OR1J2: variants seen among roughly 807,000 people sequenced by gnomAD.
The protein encoded by OR1J2 is olfactory receptor family 1 subfamily J member 2.
For synonymous variants in OR1J2, 142 were observed against 99.7 expected, an observed-to-expected ratio of 1.42 and a Z score of -2.52; for missense variants, 304 against 246.1, an observed-to-expected ratio of 1.24 and a Z score of -1.57.
At chr9:122,502,054 G>C in the OR1J2 span, among the ~76,000 whole-genome samples, 2,168 of 152,282 alleles carry the variant, frequency 0.014, 38 homozygotes, top group African/African-American at 0.049. Context: ...TGGATAGACA[G>C]AACAAATTCT....
At chr9:122,553,976 T>C in the OR1J2 span, 3 of 1,613,700 alleles carry the variant, frequency 1.9e-6, no homozygotes, top group Non-Finnish European at 2.5e-6. Flanking sequence ...TGCTCTTCTA[T>C]GGGTCTCTTA....
the OR1J2 span, chr9:122,519,334 A>G: frequency 4.3e-6 from 7 of 1,614,128 alleles, no homozygotes; most frequent in Admixed American, 5.0e-5. Context: ...TTCCTCAGCC[A>G]CTTGGCTCTC....
chr9:122,519,510 G>A, the OR1J2 span: 2 of 1,614,096 alleles, frequency 1.2e-6, no homozygotes, highest in Non-Finnish European at 8.5e-7. Flanking sequence ...CGATCGGTAT[G>A]TGGCCATCTG....
chr9:122,452,588 A>G, the OR1J2 span, among the ~76,000 whole-genome samples: 1 of 152,300 alleles, frequency 6.6e-6, no homozygotes. Context: ...GGTAACATGC[A>G]TAGTCCATTC....
the OR1J2 span, chr9:122,567,982 G>T: frequency 1.4e-4 from 234 of 1,614,038 alleles, 1 homozygote; most frequent in Admixed American, 8.3e-5. Context: ...AAGGTGAGAC[G>T]ATTCAGCAGA....
the OR1J2 span, among the ~76,000 whole-genome samples, chr9:122,544,512 C>T: frequency 6.6e-6 from 1 of 151,180 alleles, no homozygotes; most frequent in Non-Finnish European, 1.5e-5. Flanking sequence ...CCTCCGCCTC[C>T]CAGGTTCAAG....
the OR1J2 span, chr9:122,519,006 AT>A: frequency 4.5e-5 from 29 of 645,818 alleles, no homozygotes; most frequent in South Asian, 5.8e-4. Flanking sequence ...TTGTAGGGAC[AT>A]AGCAATGTAG....
chr9:122,518,068 G>A, the OR1J2 span, among the ~76,000 whole-genome samples: 1 of 152,094 alleles, frequency 6.6e-6, no homozygotes. Flanking sequence ...TATGTTCATT[G>A]CAGCACTATT....
the OR1J2 span, among the ~76,000 whole-genome samples, chr9:122,542,467 G>T: frequency 6.6e-6 from 1 of 151,970 alleles, no homozygotes; most frequent in African/African-American, 2.4e-5. Flanking sequence ...AGTTCCAGTT[G>T]CCCTGTATTT....
chr9:122,484,090 A>G, the OR1J2 span, among the ~76,000 whole-genome samples: 1 of 152,094 alleles, frequency 6.6e-6, no homozygotes, highest in Non-Finnish European at 1.5e-5. Context: ...GTTTTTCTCC[A>G]TCAATTTCCA....
the OR1J2 span, among the ~76,000 whole-genome samples, chr9:122,504,834 G>C: frequency 6.6e-6 from 1 of 152,040 alleles, no homozygotes; most frequent in African/African-American, 2.4e-5. Context: ...TCCTGTATCT[G>C]ACTGTGTCTA....
At chr9:122,485,818 A>G in the OR1J2 span, among the ~76,000 whole-genome samples, 1 of 152,232 alleles carries the variant, frequency 6.6e-6, no homozygotes, top group Non-Finnish European at 1.5e-5. Flanking sequence ...GACACTGAGA[A>G]CAAATTTACT....
chr9:122,485,891 A>C, the OR1J2 span, among the ~76,000 whole-genome samples: 1 of 152,160 alleles, frequency 6.6e-6, no homozygotes, highest in African/African-American at 2.4e-5. Flanking sequence ...TTGAATTGTT[A>C]AGAAATCTGA....
the OR1J2 span, among the ~76,000 whole-genome samples, chr9:122,528,362 C>G: frequency 0.027 from 4,105 of 152,188 alleles, 288 homozygotes; most frequent in East Asian, 0.3. Context: ...TTTGGGAGAC[C>G]GAGGCAGGCG....
the OR1J2 span, among the ~76,000 whole-genome samples, chr9:122,539,191 A>T: frequency 6.6e-6 from 1 of 152,164 alleles, no homozygotes; most frequent in Non-Finnish European, 1.5e-5. Context: ...ATATGTATAC[A>T]TGTGTCATGT....
At chr9:122,515,717 C>T (rs1296940261), downstream of OR1J2, among the ~76,000 whole-genome samples, 2 of 152,174 alleles carry the variant, frequency 1.3e-5, no homozygotes, top group Non-Finnish European at 2.9e-5. Flanking sequence ...CAGCTACTTT[C>T]TGAAAGTATA....
At chr9:122,547,396 A>C in the OR1J2 span, among the ~76,000 whole-genome samples, 2 of 152,160 alleles carry the variant, frequency 1.3e-5, no homozygotes, top group African/African-American at 2.4e-5. Context: ...TTATTTGTAT[A>C]AACTTAGAGG....
chr9:122,537,393 T>C, the OR1J2 span, among the ~76,000 whole-genome samples: 1 of 152,204 alleles, frequency 6.6e-6, no homozygotes, highest in Non-Finnish European at 1.5e-5. Context: ...CTGCCTGTCT[T>C]TGGGTTAACT....
chr9:122,548,403 A>G, the OR1J2 span, among the ~76,000 whole-genome samples: 1 of 152,152 alleles, frequency 6.6e-6, no homozygotes, highest in East Asian at 1.9e-4. Flanking sequence ...AATTTTCCAC[A>G]AGGAAATGTC....
Sources: allele counts gnomAD v4.1 joint callset (sites outside exome capture counted in the v4.1 genomes callset), GRCh38; gene constraint gnomAD v4.1.1; transcripts MANE v1.5; gene names NCBI Gene and HGNC (gene_info 2026-07-23, HGNC 2026-07-21).